Variants in RIC3 observed in about 807,000 individuals in gnomAD.
The protein encoded by RIC3 is protein RIC-3.
RIC3 carries 28 observed loss-of-function variants against 27.3 expected under a neutral mutation model. The ratio of observed to expected loss-of-function variants is 1.02; its 90% CI spans 0.76 to 1.41. RIC3 has a LOEUF of 1.41. Ranked by LOEUF, RIC3 falls within the 40% of genes most tolerant of loss-of-function variation. The pLI is 0.00. For missense variants in RIC3, 501 were observed against 444.7 expected, an observed-to-expected ratio of 1.13 and a Z score of -1.14; for synonymous variants, 184 against 160.4, an observed-to-expected ratio of 1.15 and a Z score of -1.11.
At chr11:8,138,157 T>G (rs1948624544) in intron 3 of RIC3, 115 bp downstream of exon 3, 5 of 681,324 alleles carry the variant, frequency 7.3e-6, no homozygotes, top group African/African-American at 1.8e-5. Flanking sequence ...GGCATCAGAT[T>G]AATTTGGAGC....
chr11:8,098,632 C>T, the RIC3 span: 40 of 690,002 alleles, frequency 5.8e-5, no homozygotes, highest in African/African-American at 6.1e-4. Context: ...AGCAGTATGC[C>T]TCCCTGGGCC....
Position 8,113,638 on chromosome 11 carries a change from G to A in RIC3, c.671-2501C>T, listed in dbSNP as rs78520998. Among the ~76,000 whole-genome samples the A allele has an allele frequency of 5.9e-3, 900 of 152,166 alleles. 12 individuals carry two copies. The highest frequency in any genetic ancestry group is 0.021 in the African/African-American group (853 of 41,498). ...TATGACCACCCCCACCTTCAGGTTGGCCCCTGCATTCCCACAATCCAGCAG... is the reference window on the plus strand; with the variant it reads ...TATGACCACCCCCACCTTCAGGTTGACCCCTGCATTCCCACAATCCAGCAG... On this transcript the variant is annotated intron_variant, in intron 5 of 5. Coordinates refer to ENST00000309737, the MANE Select transcript of RIC3 (RefSeq NM_001206671.4).
In RIC3 at chr11:8,168,815, C is replaced by T. The variant is rs757608422; in HGVS notation, c.124+51G>A. The T allele has an allele frequency of 1.2e-5, 19 of 1,580,408 alleles. No homozygotes were observed. In the African/African-American group the frequency reaches 1.4e-4, roughly 12 times the overall value. ...AGTCACCCCTCCCTCAAGCAGCGTTCTCCGTACTCTTCGGCGCCGGGAAGC... is the reference window on the plus strand; with the variant it reads ...AGTCACCCCTCCCTCAAGCAGCGTTTTCCGTACTCTTCGGCGCCGGGAAGC... On this transcript the variant is annotated intron_variant, in intron 1 of 5. Transcript: ENST00000309737.
At chr11:8,163,514 A>C (rs1007852737) in intron 1 of RIC3, among the ~76,000 whole-genome samples, 14 of 152,174 alleles carry the variant, frequency 9.2e-5, no homozygotes, top group Non-Finnish European at 2.1e-4. Context: ...CTCTATATGC[A>C]GACAAGTTCA....
At chr11:8,147,595 T>A (rs773022293) in intron 1 of RIC3, among the ~76,000 whole-genome samples, 1 of 152,330 alleles carries the variant, frequency 6.6e-6, no homozygotes, top group South Asian at 2.1e-4. Context: ...TTATTTGTTA[T>A]GTGAAGTTAT....
chr11:8,113,591 T>G (rs1158509531), intron 5 of RIC3, among the ~76,000 whole-genome samples: 1 of 152,072 alleles, frequency 6.6e-6, no homozygotes, highest in African/African-American at 2.4e-5. Flanking sequence ...GCTCCAGGCC[T>G]GCCCAGTGCC....
intron 4 of RIC3, among the ~76,000 whole-genome samples, chr11:8,132,160 T>C (rs984189334): frequency 3.3e-5 from 5 of 152,146 alleles, no homozygotes; most frequent in Non-Finnish European, 7.4e-5. Flanking sequence ...AGCAGGTAAA[T>C]TGTTACAACT....
the RIC3 span, among the ~76,000 whole-genome samples, chr11:8,093,037 A>G: frequency 2.0e-5 from 3 of 152,004 alleles, no homozygotes; most frequent in Non-Finnish European, 4.4e-5. Flanking sequence ...AGTGAGCACA[A>G]ATGGGTGTGG....
At chr11:8,161,240 G>C (rs1951135534) in intron 1 of RIC3, among the ~76,000 whole-genome samples, 1 of 152,190 alleles carries the variant, frequency 6.6e-6, no homozygotes, top group African/African-American at 2.4e-5. Flanking sequence ...TACCTGCTTA[G>C]GAACAAAAGG....
intron 4 of RIC3, among the ~76,000 whole-genome samples, chr11:8,136,640 T>C (rs1948456538): frequency 6.6e-6 from 1 of 152,244 alleles, no homozygotes; most frequent in Non-Finnish European, 1.5e-5. Flanking sequence ...AATTTACATG[T>C]AATTCTGTGC....
At chr11:8,128,632 A>G (rs2133675799) in intron 4 of RIC3, among the ~76,000 whole-genome samples, 1 of 152,252 alleles carries the variant, frequency 6.6e-6, no homozygotes, top group South Asian at 2.1e-4. Flanking sequence ...GATCACTGTT[A>G]AGAGCTCAAT....
chr11:8,121,285 T>G (rs1047862088), intron 5 of RIC3, among the ~76,000 whole-genome samples: 8 of 152,196 alleles, frequency 5.3e-5, no homozygotes, highest in Middle Eastern at 3.2e-3. Context: ...AAAACTGAAT[T>G]TCATTTCATT....
At chr11:8,104,737 G>A (rs181934188), downstream of RIC3, 147 of 151,816 alleles carry the variant, frequency 9.7e-4, no homozygotes, top group Admixed American at 3.8e-3. Context: ...GCTTTTGGTT[G>A]AAATTGAACA....
chr11:8,112,617 T>C (rs1317556366), intron 5 of RIC3, among the ~76,000 whole-genome samples: 2 of 152,198 alleles, frequency 1.3e-5, no homozygotes, highest in East Asian at 1.9e-4. Context: ...CTTATTCCCC[T>C]TTTTTAAAAA....
At chr11:8,101,769 A>G (rs1357733485), downstream of RIC3, 15 of 1,352,132 alleles carry the variant, frequency 1.1e-5, no homozygotes, top group African/African-American at 1.5e-5. Context: ...CCAGCCAGGA[A>G]CTGGCTCCTT....
At chr11:8,153,371 C>A (rs777233515) in intron 1 of RIC3, 1 of 444,772 alleles carries the variant, frequency 2.2e-6, no homozygotes, top group Non-Finnish European at 4.5e-6. Flanking sequence ...CATGGTAACT[C>A]TACCTTAACC....
chr11:8,156,893 G>T (rs1231940943), intron 1 of RIC3, among the ~76,000 whole-genome samples: 1 of 151,996 alleles, frequency 6.6e-6, no homozygotes, highest in African/African-American at 2.4e-5. Flanking sequence ...TAAATGAACC[G>T]GGAAACAAAA....
At chr11:8,124,906 T>C (rs1308212878) in intron 5 of RIC3, among the ~76,000 whole-genome samples, 2 of 152,188 alleles carry the variant, frequency 1.3e-5, no homozygotes, top group Non-Finnish European at 2.9e-5. Flanking sequence ...GTAGAATTTC[T>C]AGAAAACATG....
intron 5 of RIC3, among the ~76,000 whole-genome samples, chr11:8,124,729 G>T (rs1946818584): frequency 6.6e-6 from 1 of 152,096 alleles, no homozygotes; most frequent in Non-Finnish European, 1.5e-5. Flanking sequence ...GCACACGCAT[G>T]GTCAACTGGT....
Sources: allele counts gnomAD v4.1 joint callset (sites outside exome capture counted in the v4.1 genomes callset), GRCh38; gene constraint gnomAD v4.1.1; transcripts MANE v1.5; gene names NCBI Gene and HGNC (gene_info 2026-07-23, HGNC 2026-07-21).